Variants in ITGB7 observed in about 807,000 individuals in gnomAD.
The protein encoded by ITGB7 is integrin beta-7.
ITGB7 carries 55 observed loss-of-function variants against 83.4 expected under a neutral mutation model. The observed-to-expected ratio is 0.66, with a 90% CI of 0.53 to 0.83. The LOEUF (loss-of-function observed/expected upper bound fraction) is 0.83. Among genes scored for constraint, ITGB7 ranks in the 40% least tolerant of loss-of-function variants. The pLI, the probability that ITGB7 is intolerant of heterozygous loss-of-function variation, is 0.00. For missense variants in ITGB7, 921 were observed against 1,046.7 expected (o/e 0.88, Z 1.66); for synonymous variants, 454 against 423.6 (o/e 1.07, Z -0.88).
intron 1 of ITGB7, among the ~76,000 whole-genome samples, chr12:53,204,895 G>A (rs1162224215): frequency 1.4e-5 from 2 of 145,108 alleles, no homozygotes; most frequent in Admixed American, 7.0e-5. Flanking sequence ...ATGCAGTGGC[G>A]TGATGTACAA....
At chr12:53,194,502 G>A (rs924489464) in intron 9 of ITGB7, 158 bp from the exon 10 acceptor site, 3 of 657,408 alleles carry the variant, frequency 4.6e-6, no homozygotes, top group African/African-American at 3.6e-5. Flanking sequence ...CTGGAGGGAG[G>A]ACCCGTGAGA....
At chr12:53,200,812 C>T (rs906381219) in intron 2 of ITGB7, among the ~76,000 whole-genome samples, 2 of 151,862 alleles carry the variant, frequency 1.3e-5, no homozygotes, top group African/African-American at 4.8e-5. Context: ...ACCTGTAATC[C>T]CAGTTACTCA....
intron 5 of ITGB7, 23 bp downstream of exon 5, chr12:53,197,470 G>A (rs1339740537): frequency 6.2e-7 from 1 of 1,613,922 alleles, no homozygotes; most frequent in Admixed American, 1.7e-5. Flanking sequence ...GGCTAACAGG[G>A]CGGGAGGCAG....
At position 53,197,901 on chromosome 12, in the gene ITGB7, C is replaced by T. The variant is rs751561796; in HGVS notation, c.252G>A (p.Glu84=). Residue 84 remains glutamate, a synonymous_variant, in exon 4 of 16, where the codon GAG becomes GAA. Coordinates refer to ENST00000267082, the MANE Select transcript of ITGB7 (RefSeq NM_000889.3). ...EAEARRCARR[E]ELLARGCPLE... is the part of the protein sequence containing the mutation. ...GCGGGCAGCCTCGAGCCAGCAGCTCCTCTCGTCGGGCGCAGCGCCGCGCCT... is the reference window on the plus strand; with the variant it reads ...GCGGGCAGCCTCGAGCCAGCAGCTCTTCTCGTCGGGCGCAGCGCCGCGCCT... 77 of 1,546,234 alleles carry T rather than the reference C, an allele frequency of 5.0e-5. No individual in the cohort carries two copies. Among genetic ancestry groups the T allele is most frequent in the Non-Finnish European group, 6.2e-5 (71 of 1,153,806 alleles).
At chr12:53,204,225 CA>C (rs1337808130) in intron 1 of ITGB7, among the ~76,000 whole-genome samples, 1 of 151,862 alleles carries the variant, frequency 6.6e-6, no homozygotes, top group Non-Finnish European at 1.5e-5. Context: ...ACTAAAAATA[CA>C]AAAATTATCC....
intron 5 of ITGB7, chr12:53,197,168 T>G (rs891813433): frequency 5.4e-6 from 3 of 551,378 alleles, no homozygotes; most frequent in Non-Finnish European, 6.5e-6. Flanking sequence ...GGCATCTAGG[T>G]CTTGTCCAGG....
In ITGB7 at chr12:53,198,260, C is replaced by G. The variant is rs138639501; in HGVS notation, c.202-309G>C. Among the ~76,000 whole-genome samples the G allele has an allele frequency of 6.4e-3, 981 of 152,288 alleles. 5 individuals are homozygous for G. Among genetic ancestry groups the G allele is most frequent in the African/African-American group, 0.012 (496 of 41,548 alleles). On this transcript the variant is annotated intron_variant, in intron 3 of 15. Transcript: ENST00000267082. The stretch of plus-strand genomic sequence containing the variant: ...TTCTCGTACCTCAGCCTCCCGGTAG[C>G]TGGGACTACAGGCATGTGCCACCAC...
chr12:53,206,397 C>A (rs921827176), intron 1 of ITGB7, among the ~76,000 whole-genome samples: 1 of 152,120 alleles, frequency 6.6e-6, no homozygotes, highest in Non-Finnish European at 1.5e-5. Context: ...AGGGGCAGGG[C>A]AGGACAGGGC....
chr12:53,197,394 G>T, intron 5 of ITGB7, 99 bp downstream of exon 5: 1 of 1,391,616 alleles, frequency 7.2e-7, no homozygotes, highest in Non-Finnish European at 1.0e-6. Context: ...CAACTGGGAG[G>T]GCAAGTTGGG....
chr12:53,203,525 G>A (rs1942364055), intron 1 of ITGB7, among the ~76,000 whole-genome samples: 1 of 151,718 alleles, frequency 6.6e-6, no homozygotes. Flanking sequence ...GTACATGCCT[G>A]TAGCTCCAGC....
chr12:53,198,002 G>A (rs747618231), intron 3 of ITGB7, 51 bp from the exon 4 acceptor site: 16 of 1,463,676 alleles, frequency 1.1e-5, no homozygotes, highest in Non-Finnish European at 1.3e-5. Flanking sequence ...TAGGCCCTGG[G>A]CCCCGCTCCC....
In ITGB7 at chr12:53,197,948, A is replaced by G. The variant is rs1253905173; in HGVS notation, c.205T>C (p.Phe69Leu). The G allele has an allele frequency of 6.5e-7, 1 of 1,538,384 alleles. No individual in the cohort carries two copies. The highest frequency in any genetic ancestry group is 8.7e-7 in the Non-Finnish European group (1 of 1,149,486). The change falls in exon 4 of 16, where the codon TTC (phenylalanine) becomes CTC (leucine). Residue 69 changes from phenylalanine to leucine, a missense_variant. Transcript: ENST00000267082. ...PSCAWCKQLN[F>L]TASGEAEARR... ...GCCTCCGCCTCTCCCGACGCGGTGA[A>G]GTTCTGCTCAGCAAGAAAAGGCGCG...
At chr12:53,202,553 C>G (rs1043466740) in intron 1 of ITGB7, among the ~76,000 whole-genome samples, 7 of 151,726 alleles carry the variant, frequency 4.6e-5, no homozygotes, top group African/African-American at 1.7e-4. Flanking sequence ...GAGGGTTTGA[C>G]CACATTGGCC....
chr12:53,201,672 T>A (rs1942325484), intron 1 of ITGB7, among the ~76,000 whole-genome samples: 1 of 151,898 alleles, frequency 6.6e-6, no homozygotes, highest in Non-Finnish European at 1.5e-5. Context: ...GAAAAGCTGA[T>A]CCTAAAATTT....
chr12:53,196,062 G>A lies in ITGB7; in HGVS notation c.954C>T (p.Leu318=). The change falls in exon 7 of 16, where the codon CTC becomes CTT. Residue 318 remains leucine (L), a synonymous_variant. Transcript: ENST00000267082. Reference sequence around the variant, plus strand: ...TCACAAACTCTGTGCTGCGACTGTAGAGGCCATTGCTGTCCAAGTGGCAGT... The same window carrying A: ...TCACAAACTCTGTGCTGCGACTGTAAAGGCCATTGCTGTCCAAGTGGCAGT... ...DGHCHLDSNG[L]YSRSTEFDYP... is the part of the protein sequence containing the mutation. 1 of 1,614,166 alleles carries A rather than the reference G, an allele frequency of 6.2e-7. No individual in the cohort carries two copies. Among genetic ancestry groups the A allele is most frequent in the Non-Finnish European group, 8.5e-7 (1 of 1,180,004 alleles).
intron 11 of ITGB7, 39 bp downstream of exon 11, chr12:53,193,669 T>G (rs760662670): frequency 5.9e-5 from 92 of 1,561,674 alleles, no homozygotes; most frequent in Admixed American, 1.4e-4. Context: ...TGGTTGGTTG[T>G]TGGGAGCCAG....
Position 53,194,223 on chromosome 12 carries a change from C to T in ITGB7, c.1283G>A (p.Cys428Tyr). Residue 428 changes from cysteine to tyrosine, a missense_variant, in exon 10 of 16, where the codon TGC (cysteine) becomes TAC (tyrosine). Transcript: ENST00000267082. Reference protein sequence around the residue: ...REGKAEDRGQCNHVRINQTVT... With the variant: ...REGKAEDRGQYNHVRINQTVT... ...CGTCTGGTTGATTCGGACGTGGTTG[C>T]ACTGTCCTCGATCCTCAGCCTTACC... 1 of 1,614,080 alleles carries T rather than the reference C, an allele frequency of 6.2e-7. No individual in the cohort carries two copies. Among genetic ancestry groups the T allele is most frequent in the Non-Finnish European group, 8.5e-7 (1 of 1,180,002 alleles).
chr12:53,195,433 C>A lies in ITGB7; in HGVS notation c.1102G>T (p.Val368Phe). 6.2e-7 allele frequency: 1 copy of A among 1,613,964 alleles called. No homozygotes were observed. The highest frequency in any genetic ancestry group is 8.5e-7 in the Non-Finnish European group (1 of 1,179,886). ...ELSKLIPKSA[V>F]GELSEDSSNV... The stretch of plus-strand genomic sequence containing the variant: ...CTGGAGTCCTCACTCAGCTCCCCAA[C>A]TGCAGACTTAGGAATCAGTTTACTC... The change falls in exon 9 of 16, where the codon GTT (valine) becomes TTT (phenylalanine). Residue 368 changes from valine (V) to phenylalanine (F), a missense_variant. By Grantham distance (50) the Val-to-Phe change is conservative. Coordinates refer to ENST00000267082, the MANE Select transcript of ITGB7 (RefSeq NM_000889.3).
At chr12:53,192,057 A>G (rs758434007) in intron 14 of ITGB7, 38 bp from the exon 15 acceptor site, 2 of 1,601,498 alleles carry the variant, frequency 1.2e-6, no homozygotes, top group Non-Finnish European at 1.7e-6. Context: ...TGGGAGCTGG[A>G]GCATAGGGAC....
Sources: allele counts gnomAD v4.1 joint callset (sites outside exome capture counted in the v4.1 genomes callset), GRCh38; gene constraint gnomAD v4.1.1; transcripts MANE v1.5; gene names NCBI Gene and HGNC (gene_info 2026-07-23, HGNC 2026-07-21).